The following IGF2 variants were observed in gnomAD, a reference collection of about 807,000 sequenced individuals.
The protein encoded by IGF2 is insulin like growth factor 2.
IGF2 carries 2 observed loss-of-function variants against 12.0 expected under a neutral mutation model. The ratio of observed to expected loss-of-function variants is 0.17; its 90% confidence interval spans 0.07 to 0.52. The LOEUF (loss-of-function observed/expected upper bound fraction) is 0.52, where lower values mean the gene tolerates loss of function less well. Ranked by LOEUF, IGF2 falls within the 20% of genes least tolerant of loss-of-function variation. The pLI is 0.95. For synonymous variants in IGF2, 105 were observed against 110.1 expected (o/e 0.95, Z 0.29); for missense variants, 211 against 268.0 (o/e 0.79, Z 1.48).
rs58562468 is a variant in IGF2, at chr11:2,131,525, G to T, written c.*1462C>A. 1.3e-4 allele frequency: 29 copies of T among 228,624 alleles called. No homozygotes were observed. The highest frequency in any genetic ancestry group is 2.0e-4 in the Non-Finnish European group (24 of 117,164). The allele number at this position is 228,624 out of a possible 1,614,324, so 14.2% of individuals were successfully genotyped here. A position where few individuals can be genotyped will look rare whatever the true frequency, so the allele number is the denominator to read the frequency against. Reference sequence around the variant, plus strand: ...TGAGCTGTGTTCATGTATGTGCTGCGCATGAGTGTGTGTGCTGTGTGTGCA... The same window carrying T: ...TGAGCTGTGTTCATGTATGTGCTGCTCATGAGTGTGTGTGCTGTGTGTGCA... On this transcript the variant is annotated 3_prime_UTR_variant, in exon 4 of 4. Coordinates refer to ENST00000416167, the MANE Select transcript of IGF2 (RefSeq NM_000612.6).
upstream of IGF2, chr11:2,139,404 C>T (rs1859377093): frequency 6.7e-6 from 1 of 148,184 alleles, no homozygotes; most frequent in Admixed American, 6.7e-5. Context: ...TGCGGGCGCC[C>T]ACGCCCGGCT....
chr11:2,134,124 A>G (rs1858819683), intron 2 of IGF2: 3 of 514,752 alleles, frequency 5.8e-6, no homozygotes, highest in South Asian at 1.5e-5. Flanking sequence ...AGACAGGGAG[A>G]CAAGGGCAGG....
At chr11:2,146,434 G>A in the IGF2 span, 16 of 532,508 alleles carry the variant, frequency 3.0e-5, no homozygotes, top group Non-Finnish European at 5.4e-5. Context: ...CAGCCCGGCC[G>A]GCCTGGGAAG....
rs533039188 is a variant in IGF2, at chr11:2,136,837, G to C, written c.-6-1308C>G. On this transcript the variant is annotated intron_variant, in intron 1 of 3. Coordinates refer to ENST00000416167, the MANE Select transcript of IGF2 (RefSeq NM_000612.6). ...AGCTGGCCACTCTAGCCCTCGCCGC[G>C]CTTCCGCAACAAGCCCCACCACTCT... Among the ~76,000 whole-genome samples, 13 of 152,324 alleles carry C rather than the reference G, an allele frequency of 8.5e-5. No individual in the cohort carries two copies. The South Asian group carries it at 1.7e-3, about 19-fold the overall frequency.
chr11:2,133,460 G>T lies in IGF2; in HGVS notation c.306+57C>A. ...CCAGAGGCCACAGGAAACGCTGGGC[G>T]CCCGAAGCCCTATTTCTCTGTCTCT... On this transcript the variant is annotated intron_variant, in intron 3 of 3. Transcript: ENST00000416167. This position sits in a 1 kb window ranked among gnomAD's most constrained non-coding sequence, Gnocchi z 8.9. 3 of 1,526,980 alleles carry T rather than the reference G, an allele frequency of 2.0e-6. No individual in the cohort carries two copies. Among genetic ancestry groups the T allele is most frequent in the Non-Finnish European group, 2.6e-6 (3 of 1,135,986 alleles). The allele number at this position is 1,526,980 out of a possible 1,614,324, so 94.6% of individuals were successfully genotyped here. A position where few individuals can be genotyped will look rare whatever the true frequency, so the allele number is the denominator to read the frequency against.
rs779532835 is a variant in IGF2, at chr11:2,133,048, AGAGCAATCAGGGGAC to A, written c.467_481del (p.Arg156_Ala160del). Reference sequence around the variant, plus strand: ...CCCGTGGGCGGGGTCTTGGGTGGGTAGAGCAATCAGGGGACGGTGACGTTTGGCCTCCCTGAACGC... The same window carrying A: ...CCCGTGGGCGGGGTCTTGGGTGGGTAGGTGACGTTTGGCCTCCCTGAACGC... On this transcript the variant is annotated inframe_deletion, in exon 4 of 4. Coordinates refer to ENST00000416167, the MANE Select transcript of IGF2 (RefSeq NM_000612.6). The surrounding 1 kb of genome is among the most constrained non-coding windows in gnomAD (Gnocchi z 8.9). The A allele has an allele frequency of 6.3e-7, 1 of 1,599,378 alleles. No individual in the cohort carries two copies. The highest frequency in any genetic ancestry group is 8.5e-7 in the Non-Finnish European group (1 of 1,171,532).
rs1858481781 is a variant in IGF2 at position 2,130,668 on chromosome 11, T to C, written c.*2319A>G. 4.8e-6 allele frequency: 1 copy of C among 207,044 alleles called. No individual in the cohort carries two copies. Among genetic ancestry groups the C allele is most frequent in the African/African-American group, 2.3e-5 (1 of 43,426 alleles). The allele number at this position is 207,044 out of a possible 1,614,324, so 12.8% of individuals were successfully genotyped here. The stretch of plus-strand genomic sequence containing the variant: ...AATTGACATGAAATTTGGGGGTTCC[T>C]AATTTCTCTATGTAATTCTGCAAGT... On this transcript the variant is annotated 3_prime_UTR_variant, in exon 4 of 4. Coordinates refer to ENST00000416167, the MANE Select transcript of IGF2 (RefSeq NM_000612.6).
chr11:2,132,661 G>T lies in IGF2; in HGVS notation c.*326C>A, dbSNP rs559762706. 8.0e-5 allele frequency: 17 copies of T among 212,278 alleles called. No individual in the cohort carries two copies. Among genetic ancestry groups the T allele is most frequent in the East Asian group, 1.4e-4 (2 of 14,092 alleles). The allele number at this position is 212,278 out of a possible 1,614,324, so 13.1% of individuals were successfully genotyped here. A position where few individuals can be genotyped will look rare whatever the true frequency, so the allele number is the denominator to read the frequency against. On this transcript the variant is annotated 3_prime_UTR_variant, in exon 4 of 4. Coordinates refer to ENST00000416167, the MANE Select transcript of IGF2 (RefSeq NM_000612.6). ...TTAGTTTTAAGAGGGTTGTTGTGGGGGGGGGGGAAGGGGGTTAGTTTAATG... is the reference window on the plus strand; with the variant it reads ...TTAGTTTTAAGAGGGTTGTTGTGGGTGGGGGGGAAGGGGGTTAGTTTAATG...
intron 1 of IGF2, among the ~76,000 whole-genome samples, chr11:2,136,561 G>A (rs1859070359): frequency 2.0e-5 from 3 of 152,264 alleles, no homozygotes. Context: ...TGCAGAAGGT[G>A]GAACCCTCCA....
At position 2,133,274 on chromosome 11, in the gene IGF2, G is replaced by A. The variant is rs369031795; in HGVS notation, c.307-51C>T. 9.6e-5 allele frequency: 124 copies of A among 1,296,948 alleles called. No homozygotes were observed. Among genetic ancestry groups the A allele is most frequent in the Non-Finnish European group, 1.2e-4 (113 of 942,674 alleles). The allele number at this position is 1,296,948 out of a possible 1,614,324, so 80.3% of individuals were successfully genotyped here. A position where few individuals can be genotyped will look rare whatever the true frequency, so the allele number is the denominator to read the frequency against. On this transcript the variant is annotated intron_variant, in intron 3 of 3. Transcript: ENST00000416167. The surrounding 1 kb of genome is among the most constrained non-coding windows in gnomAD (Gnocchi z 8.9). The stretch of plus-strand genomic sequence containing the variant: ...AGGTGCCTGCTCTCCACGCTCTTCC[G>A]CCTGAGCCGCCCGCCTGACCTGACA...
upstream of IGF2, among the ~76,000 whole-genome samples, chr11:2,142,781 C>T (rs1859679584): frequency 6.6e-6 from 1 of 152,188 alleles, no homozygotes; most frequent in Non-Finnish European, 1.5e-5. This position sits in a 1 kb window ranked among gnomAD's most constrained non-coding sequence, Gnocchi z 5.7. Flanking sequence ...GTTAGCAACA[C>T]CTGGCATAAC....
chr11:2,147,526 G>T, the IGF2 span: 2 of 877,358 alleles, frequency 2.3e-6, no homozygotes, highest in Non-Finnish European at 3.0e-6. This position sits in a 1 kb window ranked among gnomAD's most constrained non-coding sequence, Gnocchi z 7.2. Context: ...CAGAGCCTGT[G>T]GCCCTCTCTG....
intron 1 of IGF2, 137 bp from the exon 2 acceptor site, chr11:2,135,666 T>G: frequency 1.3e-6 from 1 of 742,422 alleles, no homozygotes; most frequent in East Asian, 2.7e-5. Flanking sequence ...AAACATTATT[T>G]TTATTACAAA....
chr11:2,134,238 G>C (rs375588009), intron 2 of IGF2: 269 of 450,342 alleles, frequency 6.0e-4, no homozygotes, highest in African/African-American at 5.2e-3. Context: ...AGCTGGAAGG[G>C]GAAGGTCGCT....
At chr11:2,137,332 T>A in intron 1 of IGF2, 1 of 889,112 alleles carries the variant, frequency 1.1e-6, no homozygotes, top group Non-Finnish European at 1.3e-6. Flanking sequence ...AGCCGACTCC[T>A]CCCAGCCCGG....
rs1590107021 is a variant in IGF2 at position 2,129,786 on chromosome 11, CA to C, written c.*3200del. 1 of 232,084 alleles carries C rather than the reference CA, an allele frequency of 4.3e-6. No homozygotes were observed. Among genetic ancestry groups the C allele is most frequent in the East Asian group, 6.1e-5 (1 of 16,432 alleles). The allele number at this position is 232,084 out of a possible 1,614,324, so 14.4% of individuals were successfully genotyped here. A position where few individuals can be genotyped will look rare whatever the true frequency, so the allele number is the denominator to read the frequency against. ...TCTAGACTGCTAGTCGGGCTGCGTG[CA>C]GGGGGGCTGAGCTGGGGGCACAAGT... On this transcript the variant is annotated 3_prime_UTR_variant, in exon 4 of 4. Transcript: ENST00000416167. The surrounding 1 kb of genome is among the most constrained non-coding windows in gnomAD (Gnocchi z 8.1).
chr11:2,143,442 GA>G (rs569549564), upstream of IGF2, among the ~76,000 whole-genome samples: 3 of 152,148 alleles, frequency 2.0e-5, no homozygotes, highest in Non-Finnish European at 4.4e-5. Flanking sequence ...AATTATGCGG[GA>G]AAGTTCCACT....
chr11:2,138,240 C>T lies in IGF2; in HGVS notation c.-18G>A. The T allele has an allele frequency of 1.0e-6, 1 of 985,154 alleles. No homozygotes were observed. Among genetic ancestry groups the T allele is most frequent in the Non-Finnish European group, 1.2e-6 (1 of 829,770 alleles). The allele number at this position is 985,154 out of a possible 1,614,324, so 61.0% of individuals were successfully genotyped here. A position where few individuals can be genotyped will look rare whatever the true frequency, so the allele number is the denominator to read the frequency against. ...CACACGCCGCTTACCTGGAAGCCGG[C>T]GACGCTGCCGCCCACCTCCCTGCTG... On this transcript the variant is annotated 5_prime_UTR_variant, in exon 1 of 4. Transcript: ENST00000416167.
At chr11:2,149,051 G>A in the IGF2 span, 1 of 1,384,014 alleles carries the variant, frequency 7.2e-7, no homozygotes, top group Non-Finnish European at 1.0e-6. Context: ...GCTGCCCCAA[G>A]CTCCCGGCCC....
Sources: gnomAD v4.1 joint callset for allele counts (sites outside exome capture counted in the v4.1 genomes callset) on GRCh38, gnomAD v4.1.1 for gene constraint, Gnocchi (gnomAD v3.1) non-coding constraint, MANE v1.5 for transcripts, NCBI Gene and HGNC (gene_info 2026-07-23, HGNC 2026-07-21) for gene names.